The following ACACA variants were observed in gnomAD, a reference collection of about 807,000 sequenced individuals.
ACACA encodes acetyl-CoA carboxylase 1.
Under a neutral mutation model 296.1 loss-of-function variants are expected in ACACA, and 103 were observed. The ratio of observed to expected loss-of-function variants is 0.35; its 90% CI spans 0.30 to 0.41. The LOEUF is 0.41. Among genes scored for constraint, ACACA ranks in the 10% least tolerant of loss-of-function variants. The pLI, the probability that ACACA is intolerant of heterozygous loss-of-function variation, is 1.00. For missense variants in ACACA, 1,554 were observed against 2,989.7 expected (o/e 0.52, Z 11.20); for synonymous variants, 953 against 1,038.6 (o/e 0.92, Z 1.58).
intron 50 of ACACA, among the ~76,000 whole-genome samples, chr17:37,120,182 C>A (rs1296807538): frequency 6.6e-6 from 1 of 151,732 alleles, no homozygotes; most frequent in East Asian, 2.0e-4. Context: ...CGTGAGCCAC[C>A]GCGCCTGGCC....
intron 2 of ACACA, among the ~76,000 whole-genome samples, chr17:37,338,208 C>CA (rs2048218112): frequency 7.1e-6 from 1 of 140,308 alleles, no homozygotes; most frequent in Admixed American, 7.7e-5. Context: ...AGCCTGGTGA[C>CA]AGAGCGAGAC....
At chr17:37,120,700 TC>T (rs1183273972) in intron 50 of ACACA, among the ~76,000 whole-genome samples, 3 of 152,174 alleles carry the variant, frequency 2.0e-5, no homozygotes, top group African/African-American at 7.2e-5. Context: ...ACAGAGGGCT[TC>T]ACTACTGTAA....
At chr17:37,386,761 T>C (rs937851284) in intron 1 of ACACA, 4 of 152,080 alleles carry the variant, frequency 2.6e-5, no homozygotes, top group Non-Finnish European at 1.5e-5. Context: ...TATGTATAGA[T>C]GGACAATATT....
At chr17:37,343,488 C>T (rs192314847) in intron 1 of ACACA, among the ~76,000 whole-genome samples, 2 of 151,962 alleles carry the variant, frequency 1.3e-5, no homozygotes, top group East Asian at 1.9e-4. Context: ...TCAAAGAGGC[C>T]GGGTGCAGTG....
At chr17:37,217,350 A>T (rs973459486) in intron 29 of ACACA, among the ~76,000 whole-genome samples, 3 of 151,954 alleles carry the variant, frequency 2.0e-5, no homozygotes, top group African/African-American at 7.3e-5. Flanking sequence ...CAGCTTACTA[A>T]GACACTTCTA....
At chr17:37,252,547 T>G (rs994501412) in intron 15 of ACACA, among the ~76,000 whole-genome samples, 3 of 152,208 alleles carry the variant, frequency 2.0e-5, no homozygotes, top group Admixed American at 1.3e-4. Context: ...AAGTGATAAC[T>G]CTTGATCTAA....
chr17:37,379,605 G>A (rs1454652411), intron 1 of ACACA, among the ~76,000 whole-genome samples: 1 of 152,044 alleles, frequency 6.6e-6, no homozygotes, highest in African/African-American at 2.4e-5. Flanking sequence ...CCATCAAAAA[G>A]TGGGCAAAGG....
intron 33 of ACACA, among the ~76,000 whole-genome samples, chr17:37,200,768 C>T (rs997017592): frequency 3.9e-5 from 6 of 152,152 alleles, no homozygotes; most frequent in African/African-American, 1.4e-4. Context: ...AACTGATTTA[C>T]ATAAAGGTAG....
Position 37,386,125 on chromosome 17 carries a change from G to A in ACACA, c.38+20137C>T, listed in dbSNP as rs192297425. ...AGAAGGAGAGAAAACTACAAGTACC[G>A]GTAATTTTTCTAGCTTTGAAATGAC... On this transcript the variant is annotated intron_variant, in intron 1 of 55. Coordinates refer to ENST00000616317, the MANE Select transcript of ACACA (RefSeq NM_198834.3). The A allele has an allele frequency of 4.0e-5, 62 of 1,536,314 alleles. 1 individual carries two copies. Among genetic ancestry groups the A allele is most frequent in the South Asian group, 3.6e-4 (31 of 85,092 alleles).
intron 1 of ACACA, among the ~76,000 whole-genome samples, chr17:37,381,337 C>G (rs2050248528): frequency 6.6e-6 from 1 of 151,898 alleles, no homozygotes; most frequent in Non-Finnish European, 1.5e-5. Flanking sequence ...AGGTGCCCAC[C>G]ACCACACCCA....
chr17:37,165,839 C>T (rs1210697788), intron 41 of ACACA, among the ~76,000 whole-genome samples: 3 of 152,080 alleles, frequency 2.0e-5, no homozygotes, highest in African/African-American at 4.8e-5. Context: ...CCATACTCGG[C>T]CAATTTTTGC....
intron 11 of ACACA, among the ~76,000 whole-genome samples, chr17:37,263,249 T>C (rs1288089765): frequency 6.6e-6 from 1 of 152,210 alleles, no homozygotes; most frequent in Non-Finnish European, 1.5e-5. Context: ...AACTACTTTC[T>C]ATACAAAAAG....
chr17:37,363,179 CTTTTTTT>C (rs902746004), intron 1 of ACACA, among the ~76,000 whole-genome samples: 41 of 72,842 alleles, frequency 5.6e-4, no homozygotes, highest in East Asian at 3.0e-3. Flanking sequence ...TTCTCTTTTT[CTTTTTTT>C]TTTTTTTTTT....
chr17:37,186,994 C>A (rs982465832), intron 39 of ACACA, among the ~76,000 whole-genome samples: 2 of 151,968 alleles, frequency 1.3e-5, no homozygotes, highest in African/African-American at 4.8e-5. Flanking sequence ...CAAGAATAGA[C>A]CTGCCTTGAA....
chr17:37,284,525 C>T (rs750209079), intron 4 of ACACA, among the ~76,000 whole-genome samples: 2 of 152,170 alleles, frequency 1.3e-5, no homozygotes, highest in Non-Finnish European at 2.9e-5. Flanking sequence ...TCACTGCAAC[C>T]TTGAACTCCT....
chr17:37,183,874 C>T (rs1371050202), intron 39 of ACACA, among the ~76,000 whole-genome samples: 3 of 105,936 alleles, frequency 2.8e-5, no homozygotes, highest in Non-Finnish European at 3.5e-5. Flanking sequence ...TTTTTGGAGA[C>T]GGAGTTTCAC....
At chr17:37,350,999 G>A (rs2048873249) in intron 1 of ACACA, among the ~76,000 whole-genome samples, 1 of 151,780 alleles carries the variant, frequency 6.6e-6, no homozygotes, top group African/African-American at 2.4e-5. Flanking sequence ...GGGGCGTGGT[G>A]GAGCGTGGCG....
chr17:37,333,300 C>T (rs1172794982), intron 2 of ACACA, among the ~76,000 whole-genome samples: 3 of 152,004 alleles, frequency 2.0e-5, no homozygotes, highest in Non-Finnish European at 2.9e-5. Context: ...CTAGGCTGTA[C>T]AGAAACCTAA....
chr17:37,298,473 G>A (rs1027902762), intron 3 of ACACA, among the ~76,000 whole-genome samples: 3 of 152,072 alleles, frequency 2.0e-5, no homozygotes, highest in Admixed American at 2.0e-4. Flanking sequence ...CTTGAGTATA[G>A]GAGTTTGAGA....
Sources: gnomAD v4.1 joint callset for allele counts (sites outside exome capture counted in the v4.1 genomes callset) on GRCh38, gnomAD v4.1.1 for gene constraint, MANE v1.5 for transcripts, NCBI Gene and HGNC (gene_info 2026-07-23, HGNC 2026-07-21) for gene names.